CLSTN2: variants seen among roughly 807,000 people sequenced by gnomAD.
CLSTN2 encodes calsyntenin-2.
CLSTN2 carries 48 observed loss-of-function variants against 101.2 expected under a neutral mutation model. The ratio of observed to expected loss-of-function variants is 0.47; its 90% CI spans 0.38 to 0.60. CLSTN2 has a LOEUF of 0.60. Ranked by LOEUF, CLSTN2 falls within the 20% of genes least tolerant of loss-of-function variation. CLSTN2 has a pLI of 0.00. For missense variants in CLSTN2, 1,160 were observed against 1,238.2 expected, an observed-to-expected ratio of 0.94 and a Z score of 0.95; for synonymous variants, 481 against 463.6, an observed-to-expected ratio of 1.04 and a Z score of -0.48.
intron 2 of CLSTN2, among the ~76,000 whole-genome samples, chr3:140,393,165 C>T (rs2088138132): frequency 6.6e-6 from 1 of 152,142 alleles, no homozygotes; most frequent in Non-Finnish European, 1.5e-5. Flanking sequence ...AGGGGACAAA[C>T]ATTCAAACCA....
intron 1 of CLSTN2, among the ~76,000 whole-genome samples, chr3:140,165,432 C>T (rs190301814): frequency 4.3e-4 from 66 of 152,240 alleles, no homozygotes; most frequent in African/African-American, 1.4e-3. Context: ...TGGTGCCTCC[C>T]GGTCAAGGGG....
At chr3:140,405,537 CT>C (rs1261736389) in intron 4 of CLSTN2, among the ~76,000 whole-genome samples, 2 of 143,580 alleles carry the variant, frequency 1.4e-5, no homozygotes, top group East Asian at 3.9e-4. Context: ...TCATTCAGGA[CT>C]TTATAAAGTT....
Position 140,509,535 on chromosome 3 carries a change from A to AT in CLSTN2, c.1345-22783dup, listed in dbSNP as rs549301530. On this transcript the variant is annotated intron_variant, in intron 8 of 16. Coordinates refer to ENST00000458420, the MANE Select transcript of CLSTN2 (RefSeq NM_022131.3). Reference sequence around the variant, plus strand: ...CTGTTAAATGAGGCTTTTCCAAAGCATTTTTTACTCTGGGCCCCTTTGTTC... The same window carrying AT: ...CTGTTAAATGAGGCTTTTCCAAAGCATTTTTTTACTCTGGGCCCCTTTGTTC... Among the ~76,000 whole-genome samples, 214 of 152,250 alleles carry AT rather than the reference A, an allele frequency of 1.4e-3. 5 individuals are homozygous for AT. Among genetic ancestry groups the AT allele is most frequent in the Non-Finnish European group, 1.4e-3 (95 of 68,028 alleles).
intron 1 of CLSTN2, among the ~76,000 whole-genome samples, chr3:140,166,014 C>T (rs1416172335): frequency 1.3e-5 from 2 of 152,118 alleles, no homozygotes; most frequent in South Asian, 4.1e-4. Flanking sequence ...CTACAGCCAT[C>T]TGGGGTCCAT....
intron 2 of CLSTN2, among the ~76,000 whole-genome samples, chr3:140,181,145 G>C (rs1166925156): frequency 2.6e-5 from 4 of 152,210 alleles, no homozygotes; most frequent in African/African-American, 9.6e-5. Context: ...TATGATCTCA[G>C]ATAAGTCACT....
chr3:140,492,149 A>G (rs1934366506), intron 8 of CLSTN2, among the ~76,000 whole-genome samples: 2 of 152,320 alleles, frequency 1.3e-5, no homozygotes, highest in Non-Finnish European at 2.9e-5. Flanking sequence ...AATGGCTTAA[A>G]AAAAAATAAA....
chr3:140,522,059 T>G (rs1935041656), intron 8 of CLSTN2, among the ~76,000 whole-genome samples: 1 of 152,206 alleles, frequency 6.6e-6, no homozygotes, highest in Non-Finnish European at 1.5e-5. Flanking sequence ...CTTGGGCTAA[T>G]GAAGGGATGT....
intron 7 of CLSTN2, among the ~76,000 whole-genome samples, chr3:140,462,379 A>G (rs926200849): frequency 6.6e-6 from 1 of 152,220 alleles, no homozygotes; most frequent in Non-Finnish European, 1.5e-5. Flanking sequence ...AAATGCAAAC[A>G]CAGCAATGCT....
At chr3:140,482,489 C>T (rs1934140982) in intron 8 of CLSTN2, among the ~76,000 whole-genome samples, 1 of 152,086 alleles carries the variant, frequency 6.6e-6, no homozygotes. Context: ...CCCTCTTTTT[C>T]TATTGATTGG....
At chr3:140,418,083 G>C (rs2088450806) in intron 4 of CLSTN2, among the ~76,000 whole-genome samples, 1 of 152,056 alleles carries the variant, frequency 6.6e-6, no homozygotes, top group Non-Finnish European at 1.5e-5. Flanking sequence ...CCTTCCTTTT[G>C]TAAGAGGAGT....
chr3:140,319,403 T>C (rs2087260616), intron 2 of CLSTN2, among the ~76,000 whole-genome samples: 1 of 152,336 alleles, frequency 6.6e-6, no homozygotes, highest in African/African-American at 2.4e-5. Context: ...TTGCCCAGCA[T>C]GATAGAACAG....
chr3:140,231,496 A>G (rs894396672), intron 2 of CLSTN2, among the ~76,000 whole-genome samples: 10 of 152,318 alleles, frequency 6.6e-5, no homozygotes, highest in African/African-American at 2.4e-4. Context: ...AGGCAAGTCT[A>G]AAATATACAG....
intron 8 of CLSTN2, among the ~76,000 whole-genome samples, chr3:140,482,241 T>A (rs1370211909): frequency 6.6e-6 from 1 of 152,252 alleles, no homozygotes; most frequent in Non-Finnish European, 1.5e-5. Flanking sequence ...GTTTATATGC[T>A]GGATTACGTT....
At chr3:140,520,577 G>C (rs1426393462) in intron 8 of CLSTN2, among the ~76,000 whole-genome samples, 2 of 152,220 alleles carry the variant, frequency 1.3e-5, no homozygotes, top group Non-Finnish European at 2.9e-5. Flanking sequence ...TGACATGTGG[G>C]GATTATCGGG....
intron 2 of CLSTN2, among the ~76,000 whole-genome samples, chr3:140,291,383 A>G (rs970961067): frequency 6.6e-6 from 1 of 151,876 alleles, no homozygotes; most frequent in Non-Finnish European, 1.5e-5. Context: ...AAATCAGATA[A>G]GTGCTTCCCC....
intron 2 of CLSTN2, among the ~76,000 whole-genome samples, chr3:140,392,316 G>C (rs1034804795): frequency 6.6e-6 from 1 of 151,584 alleles, no homozygotes; most frequent in Admixed American, 6.6e-5. Context: ...ATAAAAAATT[G>C]TTAATGAGAA....
intron 1 of CLSTN2, among the ~76,000 whole-genome samples, chr3:139,992,360 T>G (rs1936129299): frequency 6.6e-6 from 1 of 152,146 alleles, no homozygotes; most frequent in Non-Finnish European, 1.5e-5. Flanking sequence ...TTCTCTTTGA[T>G]AACCCTGTAC....
intron 1 of CLSTN2, among the ~76,000 whole-genome samples, chr3:140,001,211 T>C (rs2006828643): frequency 6.6e-6 from 1 of 152,160 alleles, no homozygotes; most frequent in Non-Finnish European, 1.5e-5. Context: ...TTACTACGTG[T>C]AAGTTAGATT....
chr3:140,398,807 A>C (rs917574866), intron 2 of CLSTN2, among the ~76,000 whole-genome samples: 3 of 152,262 alleles, frequency 2.0e-5, no homozygotes, highest in Admixed American at 6.5e-5. Flanking sequence ...TGTGCTCTAA[A>C]AATCAAGTTA....
Sources: allele counts gnomAD v4.1 joint callset (sites outside exome capture counted in the v4.1 genomes callset), GRCh38; gene constraint gnomAD v4.1.1; transcripts MANE v1.5; gene names NCBI Gene and HGNC (gene_info 2026-07-23, HGNC 2026-07-21).